TSPAN18: variants seen among roughly 807,000 people sequenced by gnomAD.
TSPAN18 encodes tetraspanin 18, also known as tetraspanin-18.
A neutral mutation model predicts 27.3 loss-of-function variants in TSPAN18; 14 were observed. The observed-to-expected ratio is 0.51, with a 90% CI of 0.34 to 0.80. TSPAN18 has a LOEUF of 0.80. TSPAN18 is among the 30% of genes least tolerant of loss of function. The pLI is 0.01. For missense variants in TSPAN18, 268 were observed against 323.9 expected (o/e 0.83, Z 1.32); for synonymous variants, 143 against 136.5 (o/e 1.05, Z -0.33).
At chr11:44,842,661 G>A (rs1857397029) in intron 2 of TSPAN18, among the ~76,000 whole-genome samples, 1 of 152,196 alleles carries the variant, frequency 6.6e-6, no homozygotes, top group African/African-American at 2.4e-5. Context: ...ATTAGAACCT[G>A]AGAGTCATTC....
At chr11:44,864,645 C>T (rs1857986894) in intron 3 of TSPAN18, among the ~76,000 whole-genome samples, 1 of 152,196 alleles carries the variant, frequency 6.6e-6, no homozygotes, top group African/African-American at 2.4e-5. Context: ...TCCAGTGTTG[C>T]ACATGGACCT....
intron 1 of TSPAN18, among the ~76,000 whole-genome samples, chr11:44,738,765 T>C (rs1854859941): frequency 6.6e-6 from 1 of 152,230 alleles, no homozygotes; most frequent in South Asian, 2.1e-4. Context: ...TCCAAAGTGC[T>C]AGGGGTTAGG....
At chr11:44,909,646 A>G (rs910981827) in intron 4 of TSPAN18, 59 bp from the exon 5 acceptor site, 14 of 1,548,922 alleles carry the variant, frequency 9.0e-6, no homozygotes, top group Non-Finnish European at 1.2e-5. Flanking sequence ...GTGGGTCAGA[A>G]GTGCCTAACC....
At chr11:44,850,572 C>G (rs1857577092) in intron 2 of TSPAN18, among the ~76,000 whole-genome samples, 1 of 152,106 alleles carries the variant, frequency 6.6e-6, no homozygotes, top group East Asian at 1.9e-4. Flanking sequence ...TAATAGTTTC[C>G]ACTTACTGAG....
At chr11:44,741,261 A>C (rs970481332) in intron 1 of TSPAN18, among the ~76,000 whole-genome samples, 1 of 152,164 alleles carries the variant, frequency 6.6e-6, no homozygotes, top group African/African-American at 2.4e-5. Flanking sequence ...TCATTTGATA[A>C]TTTTTCCTTC....
chr11:44,835,223 GCAGCCCC>G (rs1391770209), intron 2 of TSPAN18, among the ~76,000 whole-genome samples: 1 of 152,242 alleles, frequency 6.6e-6, no homozygotes, highest in Non-Finnish European at 1.5e-5. Context: ...TGGAGTATGG[GCAGCCCC>G]CAGCCTAGCA....
Position 44,919,832 on chromosome 11 carries a change from G to A in TSPAN18, c.448G>A (p.Val150Ile), listed in dbSNP as rs771719446. 1.2e-6 allele frequency: 2 copies of A among 1,614,158 alleles called. No homozygotes were observed. The highest frequency in any genetic ancestry group is 2.2e-5 in the East Asian group (1 of 44,880). The change falls in exon 8 of 10, where the codon GTC (valine) becomes ATC (isoleucine). Residue 150 changes from valine to isoleucine, a missense_variant. Coordinates refer to ENST00000520358, the MANE Select transcript of TSPAN18 (RefSeq NM_130783.5). ...SVMITFGCCG[V>I]NGPEDFKFAS... ...CTCCCCCTAGTTTGGTTGCTGCGGG[G>A]TCAACGGGCCTGAAGACTTTAAGTT...
chr11:44,855,280 T>C (rs1339310261), intron 2 of TSPAN18, among the ~76,000 whole-genome samples: 3 of 152,222 alleles, frequency 2.0e-5, no homozygotes, highest in Non-Finnish European at 4.4e-5. Context: ...AAGACTCTTT[T>C]CTGAGTCATC....
intron 3 of TSPAN18, among the ~76,000 whole-genome samples, chr11:44,905,854 T>G (rs1488751017): frequency 6.6e-6 from 1 of 152,222 alleles, no homozygotes; most frequent in Non-Finnish European, 1.5e-5. Context: ...CCAGGTAGGC[T>G]GCTCTCCTTT....
At chr11:44,759,295 C>T (rs180905120) in intron 1 of TSPAN18, among the ~76,000 whole-genome samples, 12 of 152,308 alleles carry the variant, frequency 7.9e-5, no homozygotes, top group Middle Eastern at 3.4e-3. Context: ...GAAGGCCTTA[C>T]CTGTAGATCT....
At chr11:44,748,658 A>T (rs527883916) in intron 1 of TSPAN18, among the ~76,000 whole-genome samples, 1 of 152,184 alleles carries the variant, frequency 6.6e-6, no homozygotes, top group Non-Finnish European at 1.5e-5. Flanking sequence ...TTTACTCTTC[A>T]CTTTAGAGAA....
intron 2 of TSPAN18, among the ~76,000 whole-genome samples, chr11:44,816,332 G>A (rs1400576535): frequency 6.6e-6 from 1 of 152,254 alleles, no homozygotes; most frequent in Non-Finnish European, 1.5e-5. Context: ...ACCCGCAACT[G>A]AAATTGTCCA....
At chr11:44,746,363 A>G (rs1415225358) in intron 1 of TSPAN18, among the ~76,000 whole-genome samples, 1 of 152,110 alleles carries the variant, frequency 6.6e-6, no homozygotes, top group East Asian at 1.9e-4. Flanking sequence ...TCCTGACTCC[A>G]CCTAAATTTA....
intron 2 of TSPAN18, among the ~76,000 whole-genome samples, chr11:44,832,390 T>C (rs1857172753): frequency 6.6e-6 from 1 of 152,162 alleles, no homozygotes; most frequent in Admixed American, 6.5e-5. Flanking sequence ...TAAACCTCAT[T>C]TTCATCCTCA....
At chr11:44,774,489 C>G (rs550752717) in intron 2 of TSPAN18, among the ~76,000 whole-genome samples, 1 of 152,348 alleles carries the variant, frequency 6.6e-6, no homozygotes. Flanking sequence ...CAAAACCTCT[C>G]TATTCAGGAG....
intron 2 of TSPAN18, among the ~76,000 whole-genome samples, chr11:44,849,470 C>T (rs1355558423): frequency 1.3e-5 from 2 of 152,166 alleles, no homozygotes; most frequent in Non-Finnish European, 2.9e-5. Flanking sequence ...GACATTGCCC[C>T]CAACAGAGGC....
chr11:44,911,407 G>A (rs1487295953), intron 5 of TSPAN18, among the ~76,000 whole-genome samples: 2 of 152,184 alleles, frequency 1.3e-5, no homozygotes, highest in African/African-American at 4.8e-5. Flanking sequence ...AGTGAAGTCA[G>A]CTGCGAAATG....
chr11:44,807,648 G>A (rs1211749383), intron 2 of TSPAN18, among the ~76,000 whole-genome samples: 2 of 152,092 alleles, frequency 1.3e-5, no homozygotes, highest in African/African-American at 4.8e-5. Context: ...AAATTCCTGG[G>A]GGGAACTCAA....
At chr11:44,769,044 G>A (rs1855632066) in intron 2 of TSPAN18, among the ~76,000 whole-genome samples, 1 of 152,066 alleles carries the variant, frequency 6.6e-6, no homozygotes. Flanking sequence ...ACAGGCGCAT[G>A]CTACCATGCC....
Sources: allele counts gnomAD v4.1 joint callset (sites outside exome capture counted in the v4.1 genomes callset), GRCh38; gene constraint gnomAD v4.1.1; transcripts MANE v1.5; gene names NCBI Gene and HGNC (gene_info 2026-07-23, HGNC 2026-07-21).